Variants in RARS2 observed in about 807,000 individuals in gnomAD.
The protein encoded by RARS2 is arginyl-tRNA synthetase 2, mitochondrial.
A neutral mutation model predicts 88.5 loss-of-function variants in RARS2; 67 were observed. The observed-to-expected ratio is 0.76, with a 90% confidence interval of 0.62 to 0.93. The LOEUF (loss-of-function observed/expected upper bound fraction) is 0.93, where lower values mean the gene tolerates loss of function less well. RARS2 is among the 40% of genes least tolerant of loss of function. The probability of loss-of-function intolerance (pLI) is 0.00; values close to 1 mark genes in which losing one functional copy is unlikely to be tolerated. For synonymous variants in RARS2, 239 were observed against 230.3 expected (o/e 1.04, Z -0.34); for missense variants, 664 against 684.2 (o/e 0.97, Z 0.33).
At chr6:87,583,967 G>A (rs1774364892) in intron 1 of RARS2, among the ~76,000 whole-genome samples, 1 of 152,196 alleles carries the variant, frequency 6.6e-6, no homozygotes, top group Non-Finnish European at 1.5e-5. Context: ...ACTGTGCTTA[G>A]TGTTGAGCGA....
At chr6:87,552,863 A>G (rs762974069) in intron 5 of RARS2, among the ~76,000 whole-genome samples, 26 of 152,298 alleles carry the variant, frequency 1.7e-4, no homozygotes, top group Admixed American at 1.4e-3. Context: ...CAGGTAATAT[A>G]TTACCTCCCT....
rs138360045 is a variant in RARS2, at chr6:87,569,549, T to C, written c.78A>G (p.Thr26=). The C allele has an allele frequency of 3.1e-6, 5 of 1,606,354 alleles. No homozygotes were observed. The highest frequency in any genetic ancestry group is 4.3e-6 in the Non-Finnish European group (5 of 1,173,134). ...VLNLPPENLI[T]SISAVPISQK... is the part of the protein sequence containing the mutation. ...GGGAAATTGGAACTGCAGATATTGA[T>C]GTGATCAAGTTTTCTGGTGGAAGAT... The change falls in exon 2 of 20, where the codon ACA becomes ACG. Residue 26 remains threonine (T), a synonymous_variant. Coordinates refer to ENST00000369536, the MANE Select transcript of RARS2 (RefSeq NM_020320.5).
At chr6:87,576,872 G>A (rs1771736882) in intron 1 of RARS2, among the ~76,000 whole-genome samples, 1 of 152,004 alleles carries the variant, frequency 6.6e-6, no homozygotes, top group Non-Finnish European at 1.5e-5. Flanking sequence ...AAACTCCATG[G>A]GAAATGAAAT....
intron 2 of RARS2, 63 bp downstream of exon 2, chr6:87,569,454 T>C: frequency 7.5e-7 from 1 of 1,341,186 alleles, no homozygotes; most frequent in Non-Finnish European, 1.1e-6. Context: ...CTTTTTTGCT[T>C]TTTTGGTGTA....
At chr6:87,522,721 C>T (rs1249780630) in intron 11 of RARS2, among the ~76,000 whole-genome samples, 3 of 152,090 alleles carry the variant, frequency 2.0e-5, no homozygotes, top group Non-Finnish European at 4.4e-5. Context: ...AAACTCCTGG[C>T]CTCAGGTGAT....
intron 4 of RARS2, among the ~76,000 whole-genome samples, chr6:87,561,367 A>C (rs1379891589): frequency 6.6e-6 from 1 of 152,226 alleles, no homozygotes. Flanking sequence ...CAGCCTATCA[A>C]TAGCTTACAT....
chr6:87,542,040 G>T, intron 7 of RARS2, 46 bp from the exon 8 acceptor site: 1 of 1,425,080 alleles, frequency 7.0e-7, no homozygotes, highest in Non-Finnish European at 9.9e-7. Flanking sequence ...TTGAACAACA[G>T]AGAATAGGCA....
intron 1 of RARS2, among the ~76,000 whole-genome samples, chr6:87,587,745 C>T (rs1029385586): frequency 1.3e-5 from 2 of 152,054 alleles, no homozygotes; most frequent in Non-Finnish European, 2.9e-5. Context: ...AATATATACT[C>T]AATATATTAG....
At chr6:87,587,213 T>C (rs1053898572) in intron 1 of RARS2, among the ~76,000 whole-genome samples, 3 of 152,216 alleles carry the variant, frequency 2.0e-5, no homozygotes, top group African/African-American at 7.2e-5. Context: ...AATTCTCCAA[T>C]GAACATTTCC....
Position 87,518,732 on chromosome 6 carries a change from T to A in RARS2, c.1313A>T (p.Lys438Ile), listed in dbSNP as rs763667779. The change falls in exon 16 of 20, where the codon AAA (lysine) becomes ATA (isoleucine). Residue 438 changes from lysine (K) to isoleucine (I), a missense_variant. Coordinates refer to ENST00000369536, the MANE Select transcript of RARS2 (RefSeq NM_020320.5). ...CTTGTAGTCAGATAAGAGTAAACCT[T>A]TGAAGTCCTAAAACGACAGAGGAAA... is the stretch of plus-strand genomic sequence containing the variant. ...GLAALIIQDFKGLLLSDYKFS... is the reference protein window; with the variant it reads ...GLAALIIQDFIGLLLSDYKFS... 4 of 1,613,928 alleles carry A rather than the reference T, an allele frequency of 2.5e-6. No individual in the cohort carries two copies. The highest frequency in any genetic ancestry group is 3.4e-6 in the Non-Finnish European group (4 of 1,179,864).
At chr6:87,536,628 C>A (rs1267142916) in intron 8 of RARS2, among the ~76,000 whole-genome samples, 1 of 149,290 alleles carries the variant, frequency 6.7e-6, no homozygotes, top group Non-Finnish European at 1.5e-5. Context: ...CAGGGCAAGA[C>A]CCCATCACGA....
chr6:87,562,324 T>G (rs1029830662), intron 4 of RARS2, among the ~76,000 whole-genome samples: 1 of 152,166 alleles, frequency 6.6e-6, no homozygotes, highest in African/African-American at 2.4e-5. Context: ...GTACTGAATA[T>G]TGTATGCAAC....
chr6:87,570,779 CT>C (rs1441716078), intron 1 of RARS2, among the ~76,000 whole-genome samples: 1 of 152,108 alleles, frequency 6.6e-6, no homozygotes, highest in Non-Finnish European at 1.5e-5. Context: ...CCTCTAACTT[CT>C]GGCCTCAAGC....
chr6:87,569,622 A>C (rs770972323), intron 1 of RARS2, 32 bp from the exon 2 acceptor site: 1 of 1,508,874 alleles, frequency 6.6e-7, no homozygotes, highest in Non-Finnish European at 9.2e-7. Context: ...ACAGTGTAAG[A>C]TTGTTCACAT....
At chr6:87,537,072 A>G (rs1409763732) in intron 8 of RARS2, among the ~76,000 whole-genome samples, 1 of 152,250 alleles carries the variant, frequency 6.6e-6, no homozygotes, top group Non-Finnish European at 1.5e-5. Flanking sequence ...TTTCCAAGCT[A>G]GCTGAGAAAC....
intron 6 of RARS2, 86 bp downstream of exon 6, chr6:87,548,505 T>A: frequency 5.3e-6 from 7 of 1,327,098 alleles, no homozygotes; most frequent in Admixed American, 2.1e-5. Flanking sequence ...TGCTATTTTG[T>A]TATTTAAGCA....
chr6:87,515,633 C>A (rs186510648), intron 18 of RARS2, among the ~76,000 whole-genome samples: 1 of 146,912 alleles, frequency 6.8e-6, no homozygotes, highest in East Asian at 2.0e-4. Context: ...CACAGCATGG[C>A]CTTTCCCTCT....
intron 1 of RARS2, among the ~76,000 whole-genome samples, chr6:87,577,190 T>C (rs74827902): frequency 0.071 from 10,750 of 152,184 alleles, 413 homozygotes; most frequent in East Asian, 0.096. Context: ...ATTTTGACTC[T>C]TTTGTTGTTG....
At chr6:87,552,370 C>T (rs144075488) in intron 5 of RARS2, among the ~76,000 whole-genome samples, 1 of 152,228 alleles carries the variant, frequency 6.6e-6, no homozygotes, top group Non-Finnish European at 1.5e-5. Flanking sequence ...AACTATAGCA[C>T]CTGGAAAACC....
Sources: gnomAD v4.1 joint callset for allele counts (sites outside exome capture counted in the v4.1 genomes callset) on GRCh38, gnomAD v4.1.1 for gene constraint, MANE v1.5 for transcripts, NCBI Gene and HGNC (gene_info 2026-07-23, HGNC 2026-07-21) for gene names.